Variants in ASIC2 observed in about 807,000 individuals in gnomAD.
ASIC2 encodes acid sensing ion channel subunit 2.
In ASIC2, 25 loss-of-function variants were observed where a neutral mutation model predicts 57.3. The ratio of observed to expected loss-of-function variants is 0.44; its 90% confidence interval spans 0.32 to 0.61. The LOEUF (loss-of-function observed/expected upper bound fraction) is 0.61, where lower values mean the gene tolerates loss of function less well. Ranked by LOEUF, ASIC2 falls within the 20% of genes least tolerant of loss-of-function variation. ASIC2 has a pLI of 0.06. For missense variants in ASIC2, 641 were observed against 738.1 expected (o/e 0.87, Z 1.52); for synonymous variants, 319 against 307.5 (o/e 1.04, Z -0.39).
chr17:33,460,231 G>T (rs1252139521), intron 1 of ASIC2, among the ~76,000 whole-genome samples: 1 of 152,184 alleles, frequency 6.6e-6, no homozygotes, highest in African/African-American at 2.4e-5. Flanking sequence ...AGATTGGCTT[G>T]AGCTGATTAG....
chr17:33,349,346 G>A (rs557827258), intron 1 of ASIC2, among the ~76,000 whole-genome samples: 1 of 152,348 alleles, frequency 6.6e-6, no homozygotes, highest in South Asian at 2.1e-4. Context: ...GATTTCTGAT[G>A]GAGAGGAATC....
intron 1 of ASIC2, among the ~76,000 whole-genome samples, chr17:33,933,078 T>G (rs1476262933): frequency 6.6e-6 from 1 of 152,152 alleles, no homozygotes; most frequent in African/African-American, 2.4e-5. Context: ...CCTCCCACCC[T>G]CGTATGTCTC....
At chr17:33,213,807 G>T (rs566540854) in intron 1 of ASIC2, among the ~76,000 whole-genome samples, 1 of 152,218 alleles carries the variant, frequency 6.6e-6, no homozygotes, top group East Asian at 1.9e-4. Flanking sequence ...GAAGGTTGAC[G>T]CAAGGTTTAA....
intron 1 of ASIC2, among the ~76,000 whole-genome samples, chr17:33,707,803 A>C (rs912608917): frequency 6.6e-6 from 1 of 152,214 alleles, no homozygotes; most frequent in Non-Finnish European, 1.5e-5. Flanking sequence ...CTTCATGGGC[A>C]TGCACCTGAC....
At chr17:34,153,510 G>A (rs962932867) in intron 1 of ASIC2, among the ~76,000 whole-genome samples, 2 of 152,220 alleles carry the variant, frequency 1.3e-5, no homozygotes, top group African/African-American at 4.8e-5. Context: ...GAGGGACAAA[G>A]GATGAGTTGG....
intron 1 of ASIC2, among the ~76,000 whole-genome samples, chr17:33,558,167 A>G (rs2141981719): frequency 6.6e-6 from 1 of 152,148 alleles, no homozygotes; most frequent in Non-Finnish European, 1.5e-5. Context: ...TGTAGAAATA[A>G]AGACACAAGA....
At chr17:33,281,563 C>T (rs1904951321) in intron 1 of ASIC2, among the ~76,000 whole-genome samples, 1 of 152,200 alleles carries the variant, frequency 6.6e-6, no homozygotes, top group Non-Finnish European at 1.5e-5. Flanking sequence ...AACAGCCCTA[C>T]ACGAAAAGTA....
chr17:33,467,133 G>A (rs1912892363), intron 1 of ASIC2, among the ~76,000 whole-genome samples: 1 of 152,170 alleles, frequency 6.6e-6, no homozygotes. Context: ...TAGATACAGG[G>A]TTTTGCCATG....
At chr17:33,371,867 GA>G (rs1287679885) in intron 1 of ASIC2, among the ~76,000 whole-genome samples, 1 of 152,120 alleles carries the variant, frequency 6.6e-6, no homozygotes, top group Non-Finnish European at 1.5e-5. Flanking sequence ...TTTGGAAATT[GA>G]AAAGAGAAAG....
chr17:34,090,887 CAGG>C (rs1214670417), intron 1 of ASIC2, among the ~76,000 whole-genome samples: 2 of 152,194 alleles, frequency 1.3e-5, no homozygotes, highest in Non-Finnish European at 2.9e-5. Flanking sequence ...TGGAAGGCTC[CAGG>C]AGAAAACTTC....
At chr17:33,014,604 G>A (rs1233982260) in intron 9 of ASIC2, among the ~76,000 whole-genome samples, 1 of 152,058 alleles carries the variant, frequency 6.6e-6, no homozygotes, top group Non-Finnish European at 1.5e-5. Flanking sequence ...AGCGGGGAGG[G>A]GCTGAGCTGG....
intron 1 of ASIC2, among the ~76,000 whole-genome samples, chr17:33,695,361 T>G (rs1191406612): frequency 6.6e-6 from 1 of 152,152 alleles, no homozygotes; most frequent in African/African-American, 2.4e-5. Flanking sequence ...TATGGGGTTG[T>G]GGGGCTGGGG....
At chr17:33,280,948 C>G (rs569436154) in intron 1 of ASIC2, among the ~76,000 whole-genome samples, 8 of 152,262 alleles carry the variant, frequency 5.3e-5, no homozygotes, top group African/African-American at 1.7e-4. Flanking sequence ...TTTCTAAGAT[C>G]AGAGTATCAA....
At chr17:33,684,196 T>C (rs1018950242) in intron 1 of ASIC2, among the ~76,000 whole-genome samples, 3 of 152,310 alleles carry the variant, frequency 2.0e-5, no homozygotes, top group Non-Finnish European at 4.4e-5. Context: ...TTATACACCC[T>C]GGCATGTCCA....
intron 1 of ASIC2, among the ~76,000 whole-genome samples, chr17:33,918,210 C>T (rs1012942915): frequency 2.0e-5 from 3 of 152,020 alleles, no homozygotes; most frequent in Non-Finnish European, 4.4e-5. Context: ...CAAATGAAAC[C>T]CTCCCATAAA....
chr17:33,182,664 C>T (rs781138765), intron 1 of ASIC2, among the ~76,000 whole-genome samples: 5 of 152,134 alleles, frequency 3.3e-5, no homozygotes, highest in Non-Finnish European at 5.9e-5. Context: ...CAAGGCAACA[C>T]CAATATAGAC....
chr17:33,739,924 GA>G (rs1174256673), intron 1 of ASIC2, among the ~76,000 whole-genome samples: 10 of 110,584 alleles, frequency 9.0e-5, no homozygotes, highest in African/African-American at 3.4e-4. Context: ...AAAGAAAAAA[GA>G]AAGAAAAAAG....
At chr17:33,830,071 T>C (rs897366390) in intron 1 of ASIC2, among the ~76,000 whole-genome samples, 3 of 152,352 alleles carry the variant, frequency 2.0e-5, no homozygotes, top group African/African-American at 7.2e-5. Context: ...CAACTTTTCC[T>C]ATAACTGAGT....
intron 1 of ASIC2, among the ~76,000 whole-genome samples, chr17:34,015,614 A>G (rs1190850792): frequency 2.0e-5 from 3 of 152,220 alleles, no homozygotes; most frequent in South Asian, 2.1e-4. Flanking sequence ...CCTCATCTTC[A>G]TCATTTCAAA....
Sources: allele counts gnomAD v4.1 joint callset (sites outside exome capture counted in the v4.1 genomes callset), GRCh38; gene constraint gnomAD v4.1.1; transcripts MANE v1.5; gene names NCBI Gene and HGNC (gene_info 2026-07-23, HGNC 2026-07-21).